CDC25B: variants seen among roughly 807,000 people sequenced by gnomAD.
CDC25B encodes the protein cell division cycle 25B, also known as M-phase inducer phosphatase 2.
Under a neutral mutation model 69.8 loss-of-function variants are expected in CDC25B, and 33 were observed. The ratio of observed to expected loss-of-function variants is 0.47; its 90% CI spans 0.36 to 0.63. The LOEUF (loss-of-function observed/expected upper bound fraction) is 0.63. Among genes scored for constraint, CDC25B ranks in the 30% least tolerant of loss-of-function variants. The pLI is 0.00. For missense variants in CDC25B, 727 were observed against 809.1 expected (o/e 0.90, Z 1.23); for synonymous variants, 341 against 314.6 (o/e 1.08, Z -0.89).
In CDC25B at chr20:3,805,294, C is replaced by T. The variant is rs976163728; in HGVS notation, c.*333C>T. The T allele has an allele frequency of 8.5e-6, 3 of 352,990 alleles. No homozygotes were observed. The highest frequency in any genetic ancestry group is 4.1e-5 in the African/African-American group (2 of 48,774). 21.9% of individuals were successfully genotyped at this position (352,990 alleles called of 1,614,324 possible). A position where few individuals can be genotyped will look rare whatever the true frequency, so the allele number is the denominator to read the frequency against. ...TCATCTTCCTGTGTCCTGAAACGCT[C>T]CTTTGTGTGTGTGTCAGCTGAGGCT... On this transcript the variant is annotated 3_prime_UTR_variant, in exon 16 of 16. Transcript: ENST00000245960.
intron 8 of CDC25B, 48 bp downstream of exon 8, chr20:3,801,436 C>G: frequency 6.5e-7 from 1 of 1,545,124 alleles, no homozygotes; most frequent in South Asian, 1.2e-5. Context: ...TCCCTGGGTT[C>G]GCCCAAAAGA....
intron 3 of CDC25B, 142 bp downstream of exon 3, chr20:3,798,605 C>T (rs890583552): frequency 7.3e-6 from 4 of 547,506 alleles, no homozygotes; most frequent in Admixed American, 3.4e-5. Context: ...CCGGGGGGCT[C>T]ACTGACTTTC....
chr20:3,794,623 C>T (rs1041126462), upstream of CDC25B, among the ~76,000 whole-genome samples: 22 of 152,128 alleles, frequency 1.4e-4, no homozygotes, highest in Admixed American at 1.4e-3. Context: ...GCTGGAGGTC[C>T]AGGGCATAAC....
chr20:3,797,296 AGGG>A (rs1568503545), intron 1 of CDC25B, among the ~76,000 whole-genome samples: 2 of 152,196 alleles, frequency 1.3e-5, no homozygotes, highest in Non-Finnish European at 2.9e-5. Flanking sequence ...CTGACAGTTT[AGGG>A]GAAGGCTCTC....
At position 3,805,029 on chromosome 20, in the gene CDC25B, GC is replaced by G; in HGVS notation, c.*70del. 1.3e-6 allele frequency: 2 copies of G among 1,523,150 alleles called. No homozygotes were observed. Among genetic ancestry groups the G allele is most frequent in the Non-Finnish European group, 1.8e-6 (2 of 1,129,730 alleles). The allele number at this position is 1,523,150 out of a possible 1,614,324, so 94.4% of individuals were successfully genotyped here. A position where few individuals can be genotyped will look rare whatever the true frequency, so the allele number is the denominator to read the frequency against. ...CTGAAGCCAGCTGCCCTATGGGCCT[GC>G]CGGGCTGAGGGCCTGCTGGAGGCCT... On this transcript the variant is annotated 3_prime_UTR_variant, in exon 16 of 16. Coordinates refer to ENST00000245960, the MANE Select transcript of CDC25B (RefSeq NM_021873.4).
rs756602132 is a variant in CDC25B at position 3,802,036 on chromosome 20, C to T, written c.1034C>T (p.Pro345Leu). Residue 345 changes from proline to leucine, a missense_variant, in exon 10 of 16, where the codon CCC (proline) becomes CTC (leucine). Around this residue, in one of 2 missense-constraint regions of CDC25B, gnomAD observed 359 missense variants for 463.4 expected, o/e 0.77. Coordinates refer to ENST00000245960, the MANE Select transcript of CDC25B (RefSeq NM_021873.4). Reference sequence around the variant, plus strand: ...GAGCGGCCCCAGGACAGGGACACGCCCGTGCAGAATAAGCGGAGGCGGAGC... The same window carrying T: ...GAGCGGCCCCAGGACAGGGACACGCTCGTGCAGAATAAGCGGAGGCGGAGC... ...RLERPQDRDT[P>L]VQNKRRRSVT... is the part of the protein sequence containing the mutation. 6.3e-7 allele frequency: 1 copy of T among 1,582,484 alleles called. No homozygotes were observed. The highest frequency in any genetic ancestry group is 2.3e-5 in the East Asian group (1 of 42,734).
chr20:3,796,138 T>C, upstream of CDC25B: 5 of 1,086,260 alleles, frequency 4.6e-6, no homozygotes, highest in Non-Finnish European at 5.6e-6. Context: ...GGATAAATCT[T>C]AATTCCTCCG....
chr20:3,803,226 A>T lies in CDC25B; in HGVS notation c.1356+20A>T. The T allele has an allele frequency of 2.5e-6, 4 of 1,595,666 alleles. No homozygotes were observed. Among genetic ancestry groups the T allele is most frequent in the Non-Finnish European group, 3.4e-6 (4 of 1,164,358 alleles). On this transcript the variant is annotated intron_variant, in intron 13 of 15. Transcript: ENST00000245960. This position sits in a 1 kb window ranked among gnomAD's most constrained non-coding sequence, Gnocchi z 4.9. ...ATCAAGGTAAGATGGGGCAATGGGG[A>T]GAGGCCCTGAAGATCCCACCTGGTT...
intron 1 of CDC25B, among the ~76,000 whole-genome samples, chr20:3,789,234 A>G (rs922651155): frequency 2.0e-5 from 3 of 152,138 alleles, no homozygotes; most frequent in Admixed American, 2.0e-4. Flanking sequence ...CAAGCTTTCC[A>G]TTCTCCTTTT....
intron 1 of CDC25B, 119 bp from the exon 2 acceptor site, chr20:3,797,503 T>C (rs1297957279): frequency 1.5e-6 from 2 of 1,336,388 alleles, no homozygotes; most frequent in Non-Finnish European, 2.1e-6. Context: ...GGCCATTGCT[T>C]TCCCGGTGTA....
rs6037665 is a variant in CDC25B at position 3,803,589 on chromosome 20, C to T, written c.1490+52C>T. The stretch of plus-strand genomic sequence containing the variant: ...TAGTGTCTGCCCTGGCCTTCCCTGC[C>T]CAGGCTCACAGGTGCTGGCACCATT... On this transcript the variant is annotated intron_variant, in intron 14 of 15. Coordinates refer to ENST00000245960, the MANE Select transcript of CDC25B (RefSeq NM_021873.4). The surrounding 1 kb of genome is among the most constrained non-coding windows in gnomAD (Gnocchi z 4.9). The T allele has an allele frequency of 8.3e-3, 13,387 of 1,610,424 alleles. 974 individuals are homozygous for T. The African/African-American group carries it at 0.16, about 19-fold the overall frequency.
intron 10 of CDC25B, 70 bp from the exon 11 acceptor site, chr20:3,802,211 G>A (rs2089309386): frequency 1.3e-6 from 2 of 1,557,056 alleles, no homozygotes; most frequent in South Asian, 2.3e-5. Flanking sequence ...GAGAAAGGGG[G>A]TACCAGCCAG....
chr20:3,788,404 G>T (rs76565344), intron 1 of CDC25B, among the ~76,000 whole-genome samples: 1 of 152,146 alleles, frequency 6.6e-6, no homozygotes, highest in Non-Finnish European at 1.5e-5. Flanking sequence ...AAAAGATCTT[G>T]TTAAGTATGT....
chr20:3,792,047 G>A (rs1485712729), upstream of CDC25B, among the ~76,000 whole-genome samples: 1 of 151,922 alleles, frequency 6.6e-6, no homozygotes, highest in Non-Finnish European at 1.5e-5. Context: ...CCAAGTAGCT[G>A]GGATTACAGG....
intron 1 of CDC25B, among the ~76,000 whole-genome samples, chr20:3,789,328 C>G (rs938631107): frequency 3.9e-5 from 6 of 152,174 alleles, no homozygotes; most frequent in African/African-American, 1.2e-4. Context: ...TCAGTCTCCT[C>G]AGTAGCTAGG....
At chr20:3,795,102 G>A (rs2088991647), upstream of CDC25B, among the ~76,000 whole-genome samples, 2 of 152,254 alleles carry the variant, frequency 1.3e-5, no homozygotes, top group African/African-American at 2.4e-5. Context: ...TGGCTCGTGC[G>A]TGTAATCCCA....
rs546220354 is a variant in CDC25B at position 3,803,900 on chromosome 20, T to C, written c.1490+363T>C. ...TAGGTCTCCATTAGAACCTCTTCCATTGGCATCCACAGCACCTGGGCCTCC... is the reference window on the plus strand; with the variant it reads ...TAGGTCTCCATTAGAACCTCTTCCACTGGCATCCACAGCACCTGGGCCTCC... On this transcript the variant is annotated intron_variant, in intron 14 of 15. Transcript: ENST00000245960. The surrounding 1 kb of genome is among the most constrained non-coding windows in gnomAD (Gnocchi z 4.9). Among the ~76,000 whole-genome samples, 6 of 152,322 alleles carry C rather than the reference T, an allele frequency of 3.9e-5. No individual in the cohort carries two copies. In the South Asian group the frequency reaches 1.0e-3, roughly 26 times the overall value.
rs2089454725 is a variant in CDC25B, at chr20:3,805,755, G to A, written c.*794G>A. ...CAGCCCCTACTGCTGTGAACCCTGG[G>A]GCCTGACTGCTCAGAACTTGCTGCT... On this transcript the variant is annotated 3_prime_UTR_variant, in exon 16 of 16. Transcript: ENST00000245960. 4.9e-6 allele frequency: 2 copies of A among 404,322 alleles called. No individual in the cohort carries two copies. The highest frequency in any genetic ancestry group is 2.1e-5 in the African/African-American group (1 of 48,774). The allele number at this position is 404,322 out of a possible 1,614,324, so 25.0% of individuals were successfully genotyped here. A position where few individuals can be genotyped will look rare whatever the true frequency, so the allele number is the denominator to read the frequency against.
chr20:3,787,256 C>T (rs2088841282), intron 1 of CDC25B: 2 of 508,532 alleles, frequency 3.9e-6, no homozygotes, highest in Non-Finnish European at 3.5e-6. Context: ...CTGGCATCTC[C>T]TGCTGTTTTA....
Sources: gnomAD v4.1 joint callset for allele counts (sites outside exome capture counted in the v4.1 genomes callset) on GRCh38, gnomAD v4.1.1 for gene constraint, gnomAD v4.1.1 regional missense constraint, Gnocchi (gnomAD v3.1) non-coding constraint, MANE v1.5 for transcripts, NCBI Gene and HGNC (gene_info 2026-07-23, HGNC 2026-07-21) for gene names.